The following CATSPERD variants were observed in gnomAD, a reference collection of about 807,000 sequenced individuals.
CATSPERD encodes catsper channel auxiliary subunit delta.
Under a neutral mutation model 98.1 loss-of-function variants are expected in CATSPERD, and 86 were observed. The ratio of observed to expected loss-of-function variants is 0.88; its 90% CI spans 0.74 to 1.05. The LOEUF is 1.05. CATSPERD is among the 50% of genes least tolerant of loss of function. The pLI is 0.00. For missense variants in CATSPERD, 995 were observed against 1,005.7 expected (o/e 0.99, Z 0.14); for synonymous variants, 394 against 390.2 (o/e 1.01, Z -0.12).
In CATSPERD at chr19:5,746,063, G is replaced by A; in HGVS notation, c.808G>A (p.Gly270Ser). 6.2e-7 allele frequency: 1 copy of A among 1,613,506 alleles called. No individual in the cohort carries two copies. The highest frequency in any genetic ancestry group is 8.5e-7 in the Non-Finnish European group (1 of 1,179,996). ...CAGCCTGTTGTTTTCCCATAATGCA[G>A]GTGAGCCCAGGGGCCCAGGGTGGGG... Reference protein sequence around the residue: ...ENSLLFSHNAGQLVDTVRVKK... With the variant: ...ENSLLFSHNASQLVDTVRVKK... The change falls in exon 9 of 22, where the codon GGT (glycine) becomes AGT (serine). Residue 270 changes from glycine (G) to serine (S), a missense_variant and splice_region_variant. Gly to Ser is a moderately conservative substitution (Grantham distance 56, BLOSUM62 0). This residue lies in a region of CATSPERD where 762 missense variants were observed against 773.7 expected (regional missense o/e 0.98). Coordinates refer to ENST00000381624, the MANE Select transcript of CATSPERD (RefSeq NM_152784.4).
intron 18 of CATSPERD, 113 bp downstream of exon 18, chr19:5,768,355 T>TATG (rs2056583037): frequency 3.2e-6 from 2 of 628,254 alleles, no homozygotes; most frequent in Non-Finnish European, 4.4e-6. Flanking sequence ...TTATTATTAT[T>TATG]GAGATGGAGT....
intron 19 of CATSPERD, chr19:5,772,042 TTCC>T (rs1207075736): frequency 6.2e-6 from 1 of 162,032 alleles, no homozygotes; most frequent in East Asian, 1.9e-4. Flanking sequence ...CTCTCTCTGT[TTCC>T]TTTTTTCTTT....
intron 20 of CATSPERD, among the ~76,000 whole-genome samples, chr19:5,774,773 T>C (rs1000928133): frequency 3.3e-5 from 5 of 151,996 alleles, no homozygotes; most frequent in Admixed American, 2.6e-4. Context: ...TCCCAGCACT[T>C]TGGGAGGCCG....
intron 3 of CATSPERD, among the ~76,000 whole-genome samples, chr19:5,728,475 AGC>A (rs2055652794): frequency 6.6e-6 from 1 of 151,848 alleles, no homozygotes; most frequent in East Asian, 1.9e-4. Flanking sequence ...GGTTTACTTG[AGC>A]ACAGGAGTTC....
chr19:5,759,566 C>CAAA (rs35459854), intron 15 of CATSPERD, among the ~76,000 whole-genome samples: 6 of 84,030 alleles, frequency 7.1e-5, no homozygotes, highest in African/African-American at 2.3e-4. Context: ...ACTCCAGCTC[C>CAAA]AAAAAAAAAA....
chr19:5,776,378 G>A (rs1012022472), intron 21 of CATSPERD, 63 bp downstream of exon 21: 63 of 1,578,840 alleles, frequency 4.0e-5, no homozygotes, highest in East Asian at 2.9e-4. Context: ...CAGGTCACCC[G>A]TTTCGGGGGA....
intron 11 of CATSPERD, among the ~76,000 whole-genome samples, chr19:5,750,391 C>T (rs1351833192): frequency 1.6e-5 from 2 of 128,596 alleles, no homozygotes; most frequent in Non-Finnish European, 3.1e-5. Context: ...GCGGAGCTTG[C>T]AGTGAGCAGA....
At chr19:5,756,730 A>G (rs2056330736) in intron 13 of CATSPERD, among the ~76,000 whole-genome samples, 1 of 151,974 alleles carries the variant, frequency 6.6e-6, no homozygotes. Context: ...GGATTGCCTA[A>G]GCTCGGGAGT....
At chr19:5,758,612 G>A (rs540059889) in intron 14 of CATSPERD, among the ~76,000 whole-genome samples, 115 of 151,342 alleles carry the variant, frequency 7.6e-4, no homozygotes, top group South Asian at 4.2e-3. Flanking sequence ...GTGTGGTGGC[G>A]GGCACCTGTA....
At chr19:5,745,553 G>C (rs1011762889) in intron 8 of CATSPERD, among the ~76,000 whole-genome samples, 1 of 152,038 alleles carries the variant, frequency 6.6e-6, no homozygotes, top group Admixed American at 6.6e-5. Context: ...CCTGGGAGAT[G>C]GAGGTGGCAG....
At position 5,720,762 on chromosome 19, in the gene CATSPERD, G is replaced by T; in HGVS notation, c.25G>T (p.Ala9Ser). 1 of 1,605,150 alleles carries T rather than the reference G, an allele frequency of 6.2e-7. No individual in the cohort carries two copies. Residue 9 changes from alanine (A) to serine (S), a missense_variant, in exon 1 of 22, where the codon GCT (alanine) becomes TCT (serine). Around this residue, in one of 3 missense-constraint regions of CATSPERD, gnomAD observed 228 missense variants for 209.6 expected, o/e 1.09. Coordinates refer to ENST00000381624, the MANE Select transcript of CATSPERD (RefSeq NM_152784.4). MLMLMLVAAVTMWLRPLVT... is the reference protein window; with the variant it reads MLMLMLVASVTMWLRPLVT... ...GATGCTGATGTTGATGCTGGTGGCG[G>T]CTGTGACCATGTGGCTCCGACCGCT...
chr19:5,723,782 G>GTTT (rs539899078), intron 1 of CATSPERD, among the ~76,000 whole-genome samples: 1 of 134,824 alleles, frequency 7.4e-6, no homozygotes, highest in African/African-American at 2.7e-5. Flanking sequence ...TTTTGTTTTT[G>GTTT]TTTTTTTTTT....
chr19:5,752,389 A>G (rs950742712), intron 12 of CATSPERD, among the ~76,000 whole-genome samples: 1 of 151,780 alleles, frequency 6.6e-6, no homozygotes, highest in African/African-American at 2.4e-5. Context: ...TGTGGGGATC[A>G]CTTGAGCCCA....
At chr19:5,745,341 G>A (rs980174303) in intron 8 of CATSPERD, among the ~76,000 whole-genome samples, 7 of 152,110 alleles carry the variant, frequency 4.6e-5, no homozygotes, top group Non-Finnish European at 8.8e-5. Flanking sequence ...AAATGAGGCC[G>A]GGTGCAGTGG....
intron 2 of CATSPERD, among the ~76,000 whole-genome samples, chr19:5,726,988 T>C (rs949972174): frequency 6.6e-6 from 1 of 152,042 alleles, no homozygotes; most frequent in African/African-American, 2.4e-5. Context: ...GGTCAGGAGA[T>C]CGAGACCATC....
intron 7 of CATSPERD, among the ~76,000 whole-genome samples, chr19:5,741,368 G>A (rs2055960617): frequency 6.6e-6 from 1 of 152,222 alleles, no homozygotes; most frequent in East Asian, 1.9e-4. Flanking sequence ...GGTTCTGGAG[G>A]TTGGGAAGTC....
chr19:5,745,201 G>T (rs28839628), intron 8 of CATSPERD, among the ~76,000 whole-genome samples: 54,194 of 151,418 alleles, frequency 0.36, 10,491 homozygotes, highest in East Asian at 0.72. Flanking sequence ...CTCCGCCGCC[G>T]CGGCCTCCCC....
intron 5 of CATSPERD, among the ~76,000 whole-genome samples, chr19:5,735,850 G>C (rs565606783): frequency 4.0e-5 from 6 of 148,244 alleles, no homozygotes; most frequent in Non-Finnish European, 8.9e-5. Flanking sequence ...GCGCGATCTC[G>C]GCTCACTGCA....
intron 1 of CATSPERD, among the ~76,000 whole-genome samples, chr19:5,722,984 C>A (rs1240571333): frequency 1.3e-5 from 2 of 151,692 alleles, no homozygotes; most frequent in Non-Finnish European, 2.9e-5. Context: ...GTCAGGAGAT[C>A]GAGACCATCC....
Sources: allele counts gnomAD v4.1 joint callset (sites outside exome capture counted in the v4.1 genomes callset), GRCh38; gene constraint gnomAD v4.1.1; regional missense constraint gnomAD v4.1.1; transcripts MANE v1.5; gene names NCBI Gene and HGNC (gene_info 2026-07-23, HGNC 2026-07-21).